PMFBP1: variants seen among roughly 807,000 people sequenced by gnomAD.
PMFBP1 encodes polyamine modulated factor 1 binding protein 1.
PMFBP1 carries 131 observed loss-of-function variants against 137.8 expected under a neutral mutation model. That is an observed-to-expected ratio of 0.95 (90% confidence interval 0.82 to 1.10). PMFBP1 has a LOEUF of 1.10. PMFBP1 is among the 50% of genes least tolerant of loss of function. The probability of loss-of-function intolerance (pLI) is 0.00; values close to 1 mark genes in which losing one functional copy is unlikely to be tolerated. For missense variants in PMFBP1, 1,199 were observed against 1,175.4 expected (o/e 1.02, Z -0.29); for synonymous variants, 490 against 450.4 (o/e 1.09, Z -1.11).
the PMFBP1 span, among the ~76,000 whole-genome samples, chr16:72,208,067 G>C: frequency 6.6e-6 from 1 of 152,160 alleles, no homozygotes. Flanking sequence ...TCCACTGATA[G>C]GGTGAGACCC....
chr16:72,207,392 G>T, the PMFBP1 span, among the ~76,000 whole-genome samples: 1 of 152,138 alleles, frequency 6.6e-6, no homozygotes, highest in Non-Finnish European at 1.5e-5. Context: ...GAAGAAAAAG[G>T]GATGGTTTTG....
chr16:72,165,801 ATTATGAG>A (rs1489761708), intron 2 of PMFBP1, among the ~76,000 whole-genome samples: 2 of 152,172 alleles, frequency 1.3e-5, no homozygotes, highest in Non-Finnish European at 2.9e-5. Context: ...TCTGTCTTTG[ATTATGAG>A]TGAAAAGAAT....
chr16:72,191,158 A>T, the PMFBP1 span, among the ~76,000 whole-genome samples: 3 of 152,186 alleles, frequency 2.0e-5, no homozygotes, highest in Admixed American at 6.5e-5. Context: ...GTCATCAAAA[A>T]ACTTTCTGCC....
intron 19 of PMFBP1, among the ~76,000 whole-genome samples, chr16:72,122,485 G>A (rs2042390413): frequency 6.6e-6 from 1 of 152,182 alleles, no homozygotes; most frequent in Admixed American, 6.5e-5. Context: ...CCCCAGATGA[G>A]CAGGTGGAAC....
upstream of PMFBP1, among the ~76,000 whole-genome samples, chr16:72,177,423 A>ATGATC (rs920175348): frequency 1.3e-5 from 2 of 152,090 alleles, no homozygotes; most frequent in Non-Finnish European, 2.9e-5. Context: ...TTTTAACACA[A>ATGATC]TGATCTGCCT....
upstream of PMFBP1, among the ~76,000 whole-genome samples, chr16:72,177,178 G>T (rs1596985984): frequency 6.6e-6 from 1 of 152,210 alleles, no homozygotes; most frequent in East Asian, 1.9e-4. Context: ...CCAATTGGTT[G>T]CTCTTTCTTT....
chr16:72,133,995 T>C (rs1163987655), intron 9 of PMFBP1, among the ~76,000 whole-genome samples: 1 of 152,140 alleles, frequency 6.6e-6, no homozygotes, highest in Non-Finnish European at 1.5e-5. Flanking sequence ...CAGGCACCTG[T>C]AATCCCAACT....
chr16:72,201,473 T>C, the PMFBP1 span, among the ~76,000 whole-genome samples: 2 of 152,226 alleles, frequency 1.3e-5, no homozygotes, highest in Non-Finnish European at 2.9e-5. Flanking sequence ...CCTGTATGCC[T>C]CCTCTGAATA....
rs541187531 is a variant in PMFBP1, at chr16:72,150,368, T to C, written c.636+240A>G. ...TGAAGCTTATTTGGTAATTCTCTTT[T>C]GGCGTTATTTGAAGTGGTGACTCTT... On this transcript the variant is annotated intron_variant, in intron 5 of 20. Transcript: ENST00000237353. Among the ~76,000 whole-genome samples the C allele has an allele frequency of 6.6e-5, 10 of 152,304 alleles. 1 individual carries two copies. Among genetic ancestry groups the C allele is most frequent in the South Asian group, 4.1e-4 (2 of 4,826 alleles).
intron 9 of PMFBP1, among the ~76,000 whole-genome samples, chr16:72,133,741 T>A (rs80275278): frequency 0.01 from 1,540 of 152,128 alleles, 11 homozygotes; most frequent in Non-Finnish European, 0.015. Context: ...TAAGTAATAA[T>A]TGGTCACGGC....
At chr16:72,195,625 C>T in the PMFBP1 span, among the ~76,000 whole-genome samples, 1 of 152,232 alleles carries the variant, frequency 6.6e-6, no homozygotes, top group South Asian at 2.1e-4. Flanking sequence ...GAAAAACAGA[C>T]CTGGACGTTA....
the PMFBP1 span, among the ~76,000 whole-genome samples, chr16:72,245,046 G>A: frequency 2.6e-5 from 4 of 152,084 alleles, no homozygotes; most frequent in Admixed American, 1.3e-4. Flanking sequence ...CTTACTCCCC[G>A]TGTAATCCTG....
At chr16:72,196,575 G>A in the PMFBP1 span, among the ~76,000 whole-genome samples, 1 of 152,170 alleles carries the variant, frequency 6.6e-6, no homozygotes, top group Admixed American at 6.5e-5. Flanking sequence ...CTACATGCAC[G>A]GCACTCCTGT....
At chr16:72,197,896 G>T in the PMFBP1 span, among the ~76,000 whole-genome samples, 3 of 152,240 alleles carry the variant, frequency 2.0e-5, no homozygotes, top group South Asian at 6.2e-4. Context: ...CAGCAGCTAA[G>T]ATTCCAACTT....
intron 2 of PMFBP1, among the ~76,000 whole-genome samples, chr16:72,169,326 TA>T (rs2043188606): frequency 6.6e-6 from 1 of 152,242 alleles, no homozygotes; most frequent in Non-Finnish European, 1.5e-5. Context: ...TTCACTTGTG[TA>T]ATAGTAGAGT....
At chr16:72,157,605 T>C (rs112761334) in intron 3 of PMFBP1, among the ~76,000 whole-genome samples, 21 of 151,786 alleles carry the variant, frequency 1.4e-4, no homozygotes, top group Admixed American at 3.3e-4. Context: ...GGAGGTGAGG[T>C]CTTTAGGATC....
At chr16:72,234,318 T>C in the PMFBP1 span, among the ~76,000 whole-genome samples, 1 of 152,104 alleles carries the variant, frequency 6.6e-6, no homozygotes, top group Non-Finnish European at 1.5e-5. Context: ...CTGGGACTTG[T>C]GATTAAAACA....
intron 4 of PMFBP1, 82 bp downstream of exon 4, chr16:72,154,129 G>T (rs1193471985): frequency 6.5e-7 from 1 of 1,535,570 alleles, no homozygotes; most frequent in Non-Finnish European, 8.8e-7. Flanking sequence ...CCTAAGTCCA[G>T]CGTCTGCTTT....
intron 13 of PMFBP1, 135 bp downstream of exon 13, chr16:72,128,931 G>A (rs535497027): frequency 3.9e-5 from 59 of 1,501,800 alleles, no homozygotes; most frequent in Non-Finnish European, 5.2e-5. Flanking sequence ...TCCCCTCCTC[G>A]CTGGCCTTTC....
Sources: allele counts gnomAD v4.1 joint callset (sites outside exome capture counted in the v4.1 genomes callset), GRCh38; gene constraint gnomAD v4.1.1; transcripts MANE v1.5; gene names NCBI Gene and HGNC (gene_info 2026-07-23, HGNC 2026-07-21).